C8orf34: variants seen among roughly 807,000 people sequenced by gnomAD.
C8orf34 encodes uncharacterized protein C8orf34.
A neutral mutation model predicts 68.3 loss-of-function variants in C8orf34; 65 were observed. The ratio of observed to expected loss-of-function variants is 0.95; its 90% CI spans 0.78 to 1.17. The LOEUF is 1.17. Among genes scored for constraint, C8orf34 ranks in the 50% most tolerant of loss-of-function variants. The pLI, the probability that C8orf34 is intolerant of heterozygous loss-of-function variation, is 0.00. For missense variants in C8orf34, 664 were observed against 655.4 expected (o/e 1.01, Z -0.14); for synonymous variants, 244 against 241.2 (o/e 1.01, Z -0.11).
At chr8:68,392,466 A>G (rs755835983) in intron 1 of C8orf34, among the ~76,000 whole-genome samples, 2 of 152,036 alleles carry the variant, frequency 1.3e-5, no homozygotes, top group African/African-American at 2.4e-5. Context: ...AGTTGCACAT[A>G]CAAGAATGTT....
chr8:68,708,903 GA>G lies in C8orf34; in HGVS notation c.1242-89del, dbSNP rs574009692. 70 of 868,272 alleles carry G rather than the reference GA, an allele frequency of 8.1e-5. No homozygotes were observed. In the African/African-American group the frequency reaches 9.9e-4, roughly 12 times the overall value. 53.8% of individuals were successfully genotyped at this position (868,272 alleles called of 1,614,324 possible). A position where few individuals can be genotyped will look rare whatever the true frequency, so the allele number is the denominator to read the frequency against. On this transcript the variant is annotated intron_variant, in intron 8 of 13. Transcript: ENST00000518698. ...CATGCATATCTGAGTTTAGAGTCTAGAAGTTCACAGCCATGTCCCCCATGGT... is the reference window on the plus strand; with the variant it reads ...CATGCATATCTGAGTTTAGAGTCTAGAGTTCACAGCCATGTCCCCCATGGT...
intron 1 of C8orf34, among the ~76,000 whole-genome samples, chr8:68,332,074 G>C (rs1211222945): frequency 6.6e-6 from 1 of 151,804 alleles, no homozygotes; most frequent in Non-Finnish European, 1.5e-5. Context: ...GAAGACTATA[G>C]CTCTGAGCTG....
At chr8:68,403,145 A>T (rs1586063069) in intron 1 of C8orf34, among the ~76,000 whole-genome samples, 1 of 152,184 alleles carries the variant, frequency 6.6e-6, no homozygotes, top group East Asian at 1.9e-4. Flanking sequence ...TTAAGTTGAT[A>T]GTAGTGGATA....
intron 7 of C8orf34, among the ~76,000 whole-genome samples, chr8:68,579,584 C>A (rs114417824): frequency 2.4e-3 from 369 of 152,220 alleles, no homozygotes; most frequent in African/African-American, 7.9e-3. Flanking sequence ...CTTTGTATTT[C>A]TTTTTATTTA....
chr8:68,572,056 C>A (rs1816774149), intron 7 of C8orf34, among the ~76,000 whole-genome samples: 1 of 152,040 alleles, frequency 6.6e-6, no homozygotes, highest in African/African-American at 2.4e-5. Context: ...TAGCACGTTA[C>A]CATGCTGAAT....
intron 10 of C8orf34, among the ~76,000 whole-genome samples, chr8:68,775,545 C>T (rs958541596): frequency 5.3e-5 from 8 of 152,158 alleles, no homozygotes; most frequent in East Asian, 3.9e-4. Flanking sequence ...ACACAGATGA[C>T]GGAGAATTTA....
intron 7 of C8orf34, among the ~76,000 whole-genome samples, chr8:68,624,211 G>A (rs1818468774): frequency 1.3e-5 from 2 of 150,602 alleles, no homozygotes; most frequent in East Asian, 2.0e-4. Flanking sequence ...GGCGGAGCTT[G>A]CAATGAGCCG....
intron 9 of C8orf34, 110 bp downstream of exon 9, chr8:68,709,189 A>C: frequency 1.3e-6 from 1 of 778,552 alleles, no homozygotes; most frequent in South Asian, 1.6e-5. Context: ...AATTCACTGC[A>C]GCTGCACGTC....
At chr8:68,371,013 G>A (rs1382448545) in intron 1 of C8orf34, among the ~76,000 whole-genome samples, 3 of 152,070 alleles carry the variant, frequency 2.0e-5, no homozygotes, top group Non-Finnish European at 4.4e-5. Context: ...AGGGAAAGAG[G>A]TATCCCATTG....
intron 7 of C8orf34, among the ~76,000 whole-genome samples, chr8:68,571,724 AT>A (rs1453958363): frequency 6.6e-6 from 1 of 152,168 alleles, no homozygotes; most frequent in Non-Finnish European, 1.5e-5. Context: ...TTCTTTTTAT[AT>A]TTTAATGCCA....
chr8:68,797,413 G>T (rs1342730343), intron 12 of C8orf34, among the ~76,000 whole-genome samples: 5 of 152,056 alleles, frequency 3.3e-5, no homozygotes, highest in Admixed American at 6.6e-5. Flanking sequence ...CTTCACTCAT[G>T]ACTTCCCCTC....
At chr8:68,613,736 G>A (rs1309185738) in intron 7 of C8orf34, among the ~76,000 whole-genome samples, 2 of 151,708 alleles carry the variant, frequency 1.3e-5, no homozygotes, top group African/African-American at 4.9e-5. Context: ...TGTGAATAGT[G>A]CTGCAATAAA....
intron 8 of C8orf34, among the ~76,000 whole-genome samples, chr8:68,644,717 T>C (rs1216659689): frequency 6.6e-6 from 1 of 152,134 alleles, no homozygotes; most frequent in Non-Finnish European, 1.5e-5. Flanking sequence ...AGGGCCAGGT[T>C]ATGGGCATGA....
At chr8:68,423,012 G>A (rs1470652648) in intron 1 of C8orf34, among the ~76,000 whole-genome samples, 1 of 152,204 alleles carries the variant, frequency 6.6e-6, no homozygotes, top group Non-Finnish European at 1.5e-5. Context: ...GCACAGAGCA[G>A]GGAGACCCTG....
At chr8:68,509,943 A>G (rs898377421) in intron 5 of C8orf34, among the ~76,000 whole-genome samples, 1 of 152,150 alleles carries the variant, frequency 6.6e-6, no homozygotes, top group Non-Finnish European at 1.5e-5. Flanking sequence ...CGGTAGGCTC[A>G]AATTTCCTAG....
intron 4 of C8orf34, among the ~76,000 whole-genome samples, chr8:68,486,619 A>G (rs1322867229): frequency 6.6e-6 from 1 of 152,182 alleles, no homozygotes; most frequent in Non-Finnish European, 1.5e-5. Context: ...AGCTTTGTGT[A>G]TAATTGATTC....
At chr8:68,345,465 C>T (rs988530645) in intron 1 of C8orf34, among the ~76,000 whole-genome samples, 6 of 151,844 alleles carry the variant, frequency 4.0e-5, no homozygotes, top group African/African-American at 1.2e-4. Context: ...AAATATTTCC[C>T]TTAGGAGTAC....
chr8:68,616,766 G>A (rs1185857962), intron 7 of C8orf34, among the ~76,000 whole-genome samples: 3 of 152,156 alleles, frequency 2.0e-5, no homozygotes, highest in African/African-American at 7.2e-5. Context: ...TGTATATTCT[G>A]TTGATCTGGG....
chr8:68,420,535 A>G (rs1809920546), intron 1 of C8orf34, among the ~76,000 whole-genome samples: 1 of 152,002 alleles, frequency 6.6e-6, no homozygotes, highest in East Asian at 1.9e-4. Context: ...CATGTGGCAC[A>G]CACACACACA....
Sources: allele counts gnomAD v4.1 joint callset (sites outside exome capture counted in the v4.1 genomes callset), GRCh38; gene constraint gnomAD v4.1.1; transcripts MANE v1.5; gene names NCBI Gene and HGNC (gene_info 2026-07-23, HGNC 2026-07-21).